Variants in ZDHHC7 observed in about 807,000 individuals in gnomAD.
ZDHHC7 encodes zDHHC palmitoyltransferase 7.
In ZDHHC7, 12 loss-of-function variants were observed where a neutral mutation model predicts 34.1. The ratio of observed to expected loss-of-function variants is 0.35; its 90% CI spans 0.23 to 0.57. The LOEUF (loss-of-function observed/expected upper bound fraction) is 0.57. ZDHHC7 is among the 20% of genes least tolerant of loss of function. The pLI, the probability that ZDHHC7 is intolerant of heterozygous loss-of-function variation, is 0.84. For missense variants in ZDHHC7, 388 were observed against 402.7 expected (o/e 0.96, Z 0.31); for synonymous variants, 185 against 155.4 (o/e 1.19, Z -1.42).
At chr16:84,976,549 C>G in intron 7 of ZDHHC7, 30 bp from the exon 8 acceptor site, 1 of 1,608,280 alleles carries the variant, frequency 6.2e-7, no homozygotes, top group Non-Finnish European at 8.5e-7. Flanking sequence ...CAAGTGGCAG[C>G]GGCTCCAGGA....
the ZDHHC7 span, among the ~76,000 whole-genome samples, chr16:85,019,418 A>T: frequency 6.6e-6 from 1 of 152,014 alleles, no homozygotes; most frequent in Non-Finnish European, 1.5e-5. Context: ...CCTGCCTCTA[A>T]AAAGAAGTAG....
At chr16:84,978,590 C>T (rs1244485184) in intron 5 of ZDHHC7, among the ~76,000 whole-genome samples, 1 of 151,378 alleles carries the variant, frequency 6.6e-6, no homozygotes, top group South Asian at 2.1e-4. Flanking sequence ...CGGCCGGGCA[C>T]GGTGGCTCAC....
At chr16:85,024,230 G>GTTTTT in the ZDHHC7 span, among the ~76,000 whole-genome samples, 8 of 108,728 alleles carry the variant, frequency 7.4e-5, no homozygotes, top group Admixed American at 1.0e-4. Context: ...AGAGTTTTTT[G>GTTTTT]TTTTTTTTTT....
intron 7 of ZDHHC7, among the ~76,000 whole-genome samples, 185 bp downstream of exon 7, chr16:84,976,910 G>C (rs1296652240): frequency 1.3e-5 from 2 of 152,214 alleles, no homozygotes; most frequent in African/African-American, 4.8e-5. Context: ...ATCAAACTGA[G>C]ACTAGAAATA....
At chr16:85,020,021 ACAG>A in the ZDHHC7 span, among the ~76,000 whole-genome samples, 1 of 152,220 alleles carries the variant, frequency 6.6e-6, no homozygotes, top group Non-Finnish European at 1.5e-5. Context: ...CAAATGAAGT[ACAG>A]GAGCAGAGCC....
At chr16:85,014,200 G>C (rs1330955191), upstream of ZDHHC7, among the ~76,000 whole-genome samples, 1 of 152,180 alleles carries the variant, frequency 6.6e-6, no homozygotes, top group Non-Finnish European at 1.5e-5. Context: ...AATCTAAAGA[G>C]AGTTTATTCA....
At chr16:84,981,834 C>T (rs376405014) in intron 4 of ZDHHC7, 36 bp downstream of exon 4, 34 of 1,612,594 alleles carry the variant, frequency 2.1e-5, no homozygotes, top group Non-Finnish European at 2.6e-5. Flanking sequence ...CCCGCAGTGG[C>T]GGATGCGCTC....
At chr16:85,012,128 C>T (rs8047101), upstream of ZDHHC7, among the ~76,000 whole-genome samples, 65,069 of 152,008 alleles carry the variant, frequency 0.43, 15,805 homozygotes, top group African/African-American at 0.67. Context: ...ACGCCTGTAA[C>T]TCCAGCACTT....
At chr16:84,984,192 C>T (rs1323310749) in intron 3 of ZDHHC7, among the ~76,000 whole-genome samples, 2 of 151,642 alleles carry the variant, frequency 1.3e-5, no homozygotes, top group East Asian at 2.0e-4. Flanking sequence ...GCTAATTTTT[C>T]GTATTTTTAG....
At chr16:85,009,804 G>T (rs1246707344) in intron 1 of ZDHHC7, among the ~76,000 whole-genome samples, 2 of 151,116 alleles carry the variant, frequency 1.3e-5, no homozygotes, top group Non-Finnish European at 2.9e-5. Flanking sequence ...CGCCTCCCGG[G>T]TTCACGTGAT....
the ZDHHC7 span, among the ~76,000 whole-genome samples, chr16:85,019,074 G>A: frequency 6.6e-6 from 1 of 152,318 alleles, no homozygotes; most frequent in South Asian, 2.1e-4. Context: ...CTCACTGAGT[G>A]CCAAGCGTGA....
chr16:85,023,337 G>A, the ZDHHC7 span, among the ~76,000 whole-genome samples: 6 of 151,790 alleles, frequency 4.0e-5, no homozygotes, highest in Middle Eastern at 3.4e-3. Context: ...GCTAATTTTC[G>A]TATTTTTAGT....
In ZDHHC7 at chr16:85,011,331, TGCGGCGGCG is replaced by T. The variant is rs901591208; in HGVS notation, c.-158_-150del. 2.0e-5 allele frequency: 3 copies of T among 151,862 alleles called. No homozygotes were observed. Among genetic ancestry groups the T allele is most frequent in the Non-Finnish European group, 3.0e-5 (2 of 67,776 alleles). 9.4% of individuals were successfully genotyped at this position (151,862 alleles called of 1,614,324 possible). On this transcript the variant is annotated 5_prime_UTR_variant, in exon 1 of 8. Transcript: ENST00000313732. Reference sequence around the variant, plus strand: ...CCCGGCGCTGCGGCTCCTCCCGGCCTGCGGCGGCGGCGGCGGCGACTGCAGCGGCCGAGG... The same window carrying T: ...CCCGGCGCTGCGGCTCCTCCCGGCCTGCGGCGGCGACTGCAGCGGCCGAGG...
chr16:84,990,925 G>A (rs56013971), intron 2 of ZDHHC7, among the ~76,000 whole-genome samples: 2,073 of 152,276 alleles, frequency 0.014, 52 homozygotes, highest in African/African-American at 0.047. Flanking sequence ...CAAGCTAGAC[G>A]CGAAGTCCCA....
intron 3 of ZDHHC7, chr16:84,988,800 C>A: frequency 1.9e-6 from 3 of 1,551,780 alleles, no homozygotes; most frequent in Non-Finnish European, 2.6e-6. Flanking sequence ...TCCCTCACCA[C>A]AAATGCCCAC....
At chr16:84,991,001 G>A (rs537867252) in intron 2 of ZDHHC7, among the ~76,000 whole-genome samples, 1 of 152,286 alleles carries the variant, frequency 6.6e-6, no homozygotes, top group Admixed American at 6.5e-5. Flanking sequence ...GCTCCCCTGA[G>A]CCCCACCTGT....
At chr16:85,025,288 A>T in the ZDHHC7 span, among the ~76,000 whole-genome samples, 5 of 152,048 alleles carry the variant, frequency 3.3e-5, no homozygotes, top group African/African-American at 1.2e-4. Flanking sequence ...AAAGAGCCTA[A>T]TCTGAGACTG....
At chr16:85,025,962 G>A in the ZDHHC7 span, among the ~76,000 whole-genome samples, 72,639 of 151,988 alleles carry the variant, frequency 0.48, 18,351 homozygotes, top group African/African-American at 0.64. Context: ...CCCAATGTCA[G>A]GTTCACTGAT....
intron 5 of ZDHHC7, among the ~76,000 whole-genome samples, chr16:84,978,353 G>A (rs555172994): frequency 6.6e-6 from 1 of 152,094 alleles, no homozygotes; most frequent in African/African-American, 2.4e-5. Flanking sequence ...CCTCCATCTT[G>A]TCAGAGAAAA....
Sources: gnomAD v4.1 joint callset for allele counts (sites outside exome capture counted in the v4.1 genomes callset) on GRCh38, gnomAD v4.1.1 for gene constraint, MANE v1.5 for transcripts, NCBI Gene and HGNC (gene_info 2026-07-23, HGNC 2026-07-21) for gene names.